The following CSMD1 variants were observed in gnomAD, a reference collection of about 807,000 sequenced individuals.
CSMD1 encodes the protein CUB and Sushi multiple domains 1.
In CSMD1, 213 loss-of-function variants were observed where a neutral mutation model predicts 417.5. The ratio of observed to expected loss-of-function variants is 0.51; its 90% confidence interval spans 0.46 to 0.57. CSMD1 has a LOEUF of 0.57. Among genes scored for constraint, CSMD1 ranks in the 20% least tolerant of loss-of-function variants. The probability of loss-of-function intolerance (pLI) is 0.00; values close to 1 mark genes in which losing one functional copy is unlikely to be tolerated. For missense variants in CSMD1, 6,923 were observed against 4,529.7 expected (o/e 1.53, Z -15.17); for synonymous variants, 2,862 against 1,736.8 (o/e 1.65, Z -16.11).
At chr8:3,119,555 G>T (rs554513801) in intron 41 of CSMD1, among the ~76,000 whole-genome samples, 1 of 152,102 alleles carries the variant, frequency 6.6e-6, no homozygotes, top group African/African-American at 2.4e-5. Flanking sequence ...AGTCTGTGTG[G>T]TTTAAACATT....
At chr8:3,159,105 C>T (rs1348687827) in intron 38 of CSMD1, among the ~76,000 whole-genome samples, 1 of 152,088 alleles carries the variant, frequency 6.6e-6, no homozygotes, top group Non-Finnish European at 1.5e-5. Context: ...CTCTCTGTAT[C>T]CCCATTCTTC....
intron 3 of CSMD1, among the ~76,000 whole-genome samples, chr8:4,183,139 T>A (rs537138627): frequency 6.6e-6 from 1 of 152,256 alleles, no homozygotes; most frequent in South Asian, 2.1e-4. Context: ...TTTTATTTCA[T>A]TTTAAAAGTT....
At chr8:4,433,303 C>A (rs944449199) in intron 2 of CSMD1, among the ~76,000 whole-genome samples, 1 of 152,178 alleles carries the variant, frequency 6.6e-6, no homozygotes, top group Non-Finnish European at 1.5e-5. Flanking sequence ...GAAAAACTGG[C>A]TTCCACGAAA....
intron 1 of CSMD1, among the ~76,000 whole-genome samples, chr8:4,971,959 G>A (rs964465495): frequency 2.3e-4 from 35 of 151,940 alleles, no homozygotes; most frequent in Non-Finnish European, 1.0e-4. Context: ...TGCATTTGAA[G>A]GATAATAAAC....
At chr8:3,187,189 G>C (rs1340566869) in intron 36 of CSMD1, among the ~76,000 whole-genome samples, 1 of 152,218 alleles carries the variant, frequency 6.6e-6, no homozygotes, top group East Asian at 1.9e-4. Flanking sequence ...CATGAAGTTT[G>C]AGTCCTAATG....
intron 11 of CSMD1, among the ~76,000 whole-genome samples, chr8:3,470,381 G>A (rs112561883): frequency 0.026 from 3,969 of 152,162 alleles, 62 homozygotes; most frequent in Middle Eastern, 0.041. Flanking sequence ...ATACACATGT[G>A]GTAGGTAGTA....
chr8:3,302,855 G>A (rs1242933097), intron 25 of CSMD1, among the ~76,000 whole-genome samples: 1 of 152,108 alleles, frequency 6.6e-6, no homozygotes, highest in Non-Finnish European at 1.5e-5. Flanking sequence ...CTAATCTGTG[G>A]CAACTGAAAA....
At chr8:3,940,414 A>G (rs1465845442) in intron 5 of CSMD1, among the ~76,000 whole-genome samples, 1 of 152,072 alleles carries the variant, frequency 6.6e-6, no homozygotes, top group Non-Finnish European at 1.5e-5. Context: ...AAAAATGTTT[A>G]TAATATGTAT....
chr8:4,710,122 G>C (rs551500364), intron 1 of CSMD1, among the ~76,000 whole-genome samples: 5 of 152,032 alleles, frequency 3.3e-5, no homozygotes, highest in African/African-American at 1.2e-4. Flanking sequence ...GATAACCTTC[G>C]CCTGGAGGTT....
intron 49 of CSMD1, among the ~76,000 whole-genome samples, chr8:3,083,177 TA>T (rs999528010): frequency 2.6e-4 from 39 of 152,238 alleles, no homozygotes; most frequent in African/African-American, 9.1e-4. Flanking sequence ...CCTTATATAT[TA>T]ACTCTCTTTA....
chr8:4,298,439 T>G (rs575237016), intron 3 of CSMD1, among the ~76,000 whole-genome samples: 1 of 152,288 alleles, frequency 6.6e-6, no homozygotes, highest in South Asian at 2.1e-4. Context: ...AAGTTGTGAA[T>G]AATTCCCTAT....
chr8:4,957,819 G>A (rs537853162), intron 1 of CSMD1, among the ~76,000 whole-genome samples: 2 of 152,120 alleles, frequency 1.3e-5, no homozygotes, highest in African/African-American at 2.4e-5. Context: ...CTAAGTAGGT[G>A]GATAGTACAA....
At chr8:4,279,301 A>G (rs987407758) in intron 3 of CSMD1, among the ~76,000 whole-genome samples, 6 of 152,214 alleles carry the variant, frequency 3.9e-5, no homozygotes, top group African/African-American at 1.4e-4. Context: ...TGCTTCAAAC[A>G]AGTCATGAAG....
At chr8:3,913,729 G>A (rs1198711353) in intron 5 of CSMD1, among the ~76,000 whole-genome samples, 2 of 152,140 alleles carry the variant, frequency 1.3e-5, no homozygotes, top group Non-Finnish European at 2.9e-5. Context: ...GAAGGCAGGA[G>A]TGGGGAAGGA....
chr8:4,749,080 T>A (rs1251933912), intron 1 of CSMD1, among the ~76,000 whole-genome samples: 2 of 152,346 alleles, frequency 1.3e-5, no homozygotes, highest in African/African-American at 4.8e-5. Context: ...GAGCGCACGC[T>A]CGCCTGCCCA....
chr8:4,962,288 G>A (rs984911544), intron 1 of CSMD1, among the ~76,000 whole-genome samples: 1 of 151,770 alleles, frequency 6.6e-6, no homozygotes, highest in Non-Finnish European at 1.5e-5. Context: ...ATAGCTTATG[G>A]CAGCTTGGAA....
intron 10 of CSMD1, among the ~76,000 whole-genome samples, chr8:3,527,277 G>T (rs572507217): frequency 6.6e-6 from 1 of 152,132 alleles, no homozygotes; most frequent in South Asian, 2.1e-4. Context: ...ATTATAATGG[G>T]AGAAATCAGC....
At chr8:4,609,866 A>G (rs1191441334) in intron 2 of CSMD1, among the ~76,000 whole-genome samples, 1 of 152,172 alleles carries the variant, frequency 6.6e-6, no homozygotes, top group African/African-American at 2.4e-5. Flanking sequence ...GTAAAAATTT[A>G]AGAGAGATGG....
At chr8:3,328,192 G>C (rs996194115) in intron 23 of CSMD1, among the ~76,000 whole-genome samples, 2 of 152,104 alleles carry the variant, frequency 1.3e-5, no homozygotes, top group African/African-American at 2.4e-5. Context: ...TAATTAAACC[G>C]ATGCCTCCTT....
Sources: allele counts gnomAD v4.1 joint callset (sites outside exome capture counted in the v4.1 genomes callset), GRCh38; gene constraint gnomAD v4.1.1; transcripts MANE v1.5; gene names NCBI Gene and HGNC (gene_info 2026-07-23, HGNC 2026-07-21).